Variants in NRCAM observed in about 807,000 individuals in gnomAD.
NRCAM encodes NgCAM-related cell adhesion molecule.
In NRCAM, 83 loss-of-function variants were observed where a neutral mutation model predicts 156.5. The observed-to-expected ratio is 0.53, with a 90% CI of 0.44 to 0.64. The LOEUF is 0.64. Among genes scored for constraint, NRCAM ranks in the 30% least tolerant of loss-of-function variants. The pLI is 0.00. For missense variants in NRCAM, 1,417 were observed against 1,597.3 expected, an observed-to-expected ratio of 0.89 and a Z score of 1.92; for synonymous variants, 538 against 563.9, an observed-to-expected ratio of 0.95 and a Z score of 0.65.
Position 108,424,239 on chromosome 7 carries a change from G to A in NRCAM, c.-331-24646C>T, listed in dbSNP as rs748818515. 5.9e-5 allele frequency among the ~76,000 whole-genome samples: 9 copies of A among 152,318 alleles called. No individual in the cohort carries two copies. In the East Asian group the frequency reaches 1.4e-3, roughly 23 times the overall value. ...AGGAGTGGGGCATCGAAGAGAGCTG[G>A]TGAGAAGGGAGTGAGCTAGAAACTG... On this transcript the variant is annotated intron_variant, in intron 1 of 32. Transcript: ENST00000379028.
Position 108,232,403 on chromosome 7 carries a change from T to C in NRCAM, c.350A>G (p.Tyr117Cys), listed in dbSNP as rs755884120. 14 of 1,613,810 alleles carry C rather than the reference T, an allele frequency of 8.7e-6. No individual in the cohort carries two copies. Among genetic ancestry groups the C allele is most frequent in the East Asian group, 2.2e-5 (1 of 44,872 alleles). The change falls in exon 7 of 33, where the codon TAT becomes TGT. Residue 117 changes from tyrosine to cysteine, a missense_variant. Coordinates refer to ENST00000379028, the MANE Select transcript of NRCAM (RefSeq NM_001037132.4). ...TGCTGTACACTGATAGACTCCTTCA[T>C]AGGTCTCAGCTTTCCCTTCGCTCAT... Reference protein sequence around the residue: ...NIMSEGKAETYEGVYQCTARN... With the variant: ...NIMSEGKAETCEGVYQCTARN...
At chr7:108,242,497 A>T (rs2095603125) in intron 3 of NRCAM, among the ~76,000 whole-genome samples, 1 of 152,184 alleles carries the variant, frequency 6.6e-6, no homozygotes, top group Non-Finnish European at 1.5e-5. Flanking sequence ...TGCAAAGCAC[A>T]TCTAGATCAT....
intron 20 of NRCAM, among the ~76,000 whole-genome samples, chr7:108,187,359 G>T (rs960424538): frequency 5.9e-5 from 9 of 152,160 alleles, no homozygotes; most frequent in Admixed American, 4.6e-4. Context: ...CATCCTAGCA[G>T]ACATGCCCTG....
intron 1 of NRCAM, among the ~76,000 whole-genome samples, chr7:108,454,428 G>A (rs1339080322): frequency 1.3e-5 from 2 of 152,156 alleles, no homozygotes; most frequent in South Asian, 2.1e-4. Flanking sequence ...AAGTTACTTG[G>A]TTTCTCTAAG....
At position 108,180,332 on chromosome 7, in the gene NRCAM, C is replaced by T; in HGVS notation, c.2742G>A (p.Met914Ile). 6.2e-7 allele frequency: 1 copy of T among 1,614,228 alleles called. No individual in the cohort carries two copies. The highest frequency in any genetic ancestry group is 8.5e-7 in the Non-Finnish European group (1 of 1,180,032). The change falls in exon 25 of 33, where the codon ATG becomes ATA. Residue 914 changes from methionine (M) to isoleucine (I), a missense_variant. By Grantham distance (10) the Met-to-Ile change is conservative (BLOSUM62 1). This residue lies in a region of NRCAM where 1,238 missense variants were observed against 1,336.4 expected (regional missense o/e 0.93). Transcript: ENST00000379028. ...GGCTAAAGGGCTCTAGCCCCGGCAA[C>T]ATGCCATGAGTCTTGCTGCCTTGGA... ...LTFQGSKTHG[M>I]LPGLEPFSHY...
chr7:108,435,704 T>C (rs552887165), intron 1 of NRCAM, among the ~76,000 whole-genome samples: 1 of 152,320 alleles, frequency 6.6e-6, no homozygotes, highest in East Asian at 1.9e-4. Flanking sequence ...GTGACACGAC[T>C]TCACCTATAT....
At chr7:108,321,402 G>C (rs1422202108) in intron 2 of NRCAM, among the ~76,000 whole-genome samples, 2 of 152,166 alleles carry the variant, frequency 1.3e-5, no homozygotes, top group Non-Finnish European at 2.9e-5. Flanking sequence ...TGGCAAGAGA[G>C]TGAGTGAGAG....
At chr7:108,187,448 C>G (rs2067638724) in intron 20 of NRCAM, among the ~76,000 whole-genome samples, 1 of 152,166 alleles carries the variant, frequency 6.6e-6, no homozygotes, top group Admixed American at 6.5e-5. Flanking sequence ...GCTCACTGAC[C>G]TCCCTCCCCT....
At chr7:108,257,151 CTA>C (rs1342251706) in intron 3 of NRCAM, among the ~76,000 whole-genome samples, 3 of 151,774 alleles carry the variant, frequency 2.0e-5, no homozygotes, top group Non-Finnish European at 4.4e-5. Context: ...AAAGGCAAAA[CTA>C]TAGAATCAGA....
At chr7:108,157,787 G>T (rs2046435231) in intron 32 of NRCAM, among the ~76,000 whole-genome samples, 1 of 152,126 alleles carries the variant, frequency 6.6e-6, no homozygotes. Flanking sequence ...CCCAGGTGGT[G>T]AGTAGTATGT....
chr7:108,331,931 A>C (rs1457399147), intron 2 of NRCAM, among the ~76,000 whole-genome samples: 1 of 152,218 alleles, frequency 6.6e-6, no homozygotes, highest in Non-Finnish European at 1.5e-5. Context: ...AAAGAGTGTC[A>C]ATTACCTGGC....
intron 20 of NRCAM, among the ~76,000 whole-genome samples, chr7:108,188,216 G>A (rs935216191): frequency 1.3e-5 from 2 of 152,244 alleles, no homozygotes; most frequent in African/African-American, 2.4e-5. Context: ...CATTAGGCAC[G>A]TGTGACTTCT....
At chr7:108,358,244 C>CA (rs71314689) in intron 2 of NRCAM, among the ~76,000 whole-genome samples, 3,339 of 71,738 alleles carry the variant, frequency 0.047, 69 homozygotes, top group African/African-American at 0.075. Context: ...CCCCTCTCTA[C>CA]AAAAAAAAAA....
chr7:108,255,865 C>A (rs1370791670), intron 3 of NRCAM, among the ~76,000 whole-genome samples: 1 of 151,884 alleles, frequency 6.6e-6, no homozygotes, highest in Admixed American at 6.5e-5. Context: ...GCCGCCCCGT[C>A]TGGGAAGTGA....
chr7:108,419,097 T>A (rs1597302143), intron 1 of NRCAM, among the ~76,000 whole-genome samples: 1 of 152,194 alleles, frequency 6.6e-6, no homozygotes, highest in East Asian at 1.9e-4. Context: ...TGTATTTCCT[T>A]TCATTGCCAT....
chr7:108,344,383 A>G (rs2099328689), intron 2 of NRCAM, among the ~76,000 whole-genome samples: 1 of 152,134 alleles, frequency 6.6e-6, no homozygotes, highest in Non-Finnish European at 1.5e-5. Flanking sequence ...TGAGAGGGAC[A>G]ATGATCGGGA....
chr7:108,227,370 G>A (rs1222537556), intron 8 of NRCAM, among the ~76,000 whole-genome samples: 1 of 152,180 alleles, frequency 6.6e-6, no homozygotes, highest in Non-Finnish European at 1.5e-5. Context: ...GGGGTACAAT[G>A]TGATATTTCA....
intron 3 of NRCAM, among the ~76,000 whole-genome samples, chr7:108,278,185 C>G (rs537711048): frequency 1.3e-5 from 2 of 152,356 alleles, no homozygotes; most frequent in Non-Finnish European, 2.9e-5. Context: ...AGACAGGCTA[C>G]ACAGGGGTCA....
intron 32 of NRCAM, among the ~76,000 whole-genome samples, chr7:108,156,903 A>G (rs1489964417): frequency 1.3e-5 from 2 of 152,186 alleles, no homozygotes; most frequent in African/African-American, 4.8e-5. Context: ...TTCATTAATT[A>G]CAGCCTCTAA....
Sources: allele counts gnomAD v4.1 joint callset (sites outside exome capture counted in the v4.1 genomes callset), GRCh38; gene constraint gnomAD v4.1.1; regional missense constraint gnomAD v4.1.1; transcripts MANE v1.5; gene names NCBI Gene and HGNC (gene_info 2026-07-23, HGNC 2026-07-21).